ASTN2: variants seen among roughly 807,000 people sequenced by gnomAD.
ASTN2 encodes the protein astrotactin-2.
ASTN2 carries 54 observed loss-of-function variants against 139.8 expected under a neutral mutation model. The observed-to-expected ratio is 0.39, with a 90% CI of 0.31 to 0.48. The LOEUF (loss-of-function observed/expected upper bound fraction) is 0.48, where lower values mean the gene tolerates loss of function less well. Among genes scored for constraint, ASTN2 ranks in the 20% least tolerant of loss-of-function variants. The pLI, the probability that ASTN2 is intolerant of heterozygous loss-of-function variation, is 0.95. For synonymous variants in ASTN2, 756 were observed against 719.5 expected (o/e 1.05, Z -0.81); for missense variants, 1,565 against 1,725.1 (o/e 0.91, Z 1.64).
Position 116,859,277 on chromosome 9 carries a change from G to C in ASTN2, c.2040+4306C>G, listed in dbSNP as rs529944065. On this transcript the variant is annotated intron_variant, in intron 11 of 22. Transcript: ENST00000313400. ...AGTCACAGGTTCTGGGAATTAGGAT[G>C]TGGACATCTTTGCAGGGGCCATTAT... is the stretch of plus-strand genomic sequence containing the variant. Among the ~76,000 whole-genome samples, 483 of 152,340 alleles carry C rather than the reference G, an allele frequency of 3.2e-3. 1 individual carries two copies. Among genetic ancestry groups the C allele is most frequent in the African/African-American group, 0.011 (472 of 41,562 alleles).
chr9:116,748,789 G>A (rs1343178041), intron 13 of ASTN2, among the ~76,000 whole-genome samples: 1 of 152,196 alleles, frequency 6.6e-6, no homozygotes, highest in East Asian at 1.9e-4. Flanking sequence ...CAAGTTTTAC[G>A]AAGCTGTGCC....
intron 7 of ASTN2, among the ~76,000 whole-genome samples, chr9:117,001,485 A>G (rs1296038685): frequency 6.6e-6 from 1 of 151,960 alleles, no homozygotes; most frequent in Non-Finnish European, 1.5e-5. Flanking sequence ...TTGGATCCTT[A>G]CCTTTTAATG....
chr9:116,727,612 G>T (rs1337356025), intron 15 of ASTN2, among the ~76,000 whole-genome samples: 1 of 152,044 alleles, frequency 6.6e-6, no homozygotes, highest in East Asian at 1.9e-4. Flanking sequence ...ATACAACTGG[G>T]TAATTAATAC....
At chr9:116,444,350 C>A (rs1847924947) in intron 20 of ASTN2, among the ~76,000 whole-genome samples, 1 of 152,152 alleles carries the variant, frequency 6.6e-6, no homozygotes, top group Non-Finnish European at 1.5e-5. Flanking sequence ...TTTTTCTGAT[C>A]TTATGAAAAC....
chr9:116,755,780 C>T (rs765592474), intron 13 of ASTN2, among the ~76,000 whole-genome samples: 5 of 152,150 alleles, frequency 3.3e-5, no homozygotes, highest in African/African-American at 4.8e-5. Flanking sequence ...TGGCCCTAAG[C>T]GCCATCATGT....
chr9:117,182,441 A>T (rs1013147343), intron 3 of ASTN2, among the ~76,000 whole-genome samples: 6 of 152,124 alleles, frequency 3.9e-5, no homozygotes, highest in Admixed American at 3.9e-4. Context: ...ACCAAGGATG[A>T]CCCAGGAGAC....
chr9:116,632,152 GA>G (rs1856783087), intron 17 of ASTN2, among the ~76,000 whole-genome samples: 1 of 68,076 alleles, frequency 1.5e-5, no homozygotes, highest in Non-Finnish European at 2.7e-5. Flanking sequence ...GAGAGAGAGA[GA>G]GAGACAGAGA....
chr9:117,067,867 G>C lies in ASTN2; in HGVS notation c.1277-27902C>G, dbSNP rs933143506. On this transcript the variant is annotated intron_variant, in intron 5 of 22. Transcript: ENST00000313400. ...TTTGTACATTGATTTTGTATGCTGA[G>C]ACTTTGCTGAAGTTGCTTATCAGCT... 7.2e-4 allele frequency among the ~76,000 whole-genome samples: 85 copies of C among 118,582 alleles called. 12 individuals are homozygous for C. Among genetic ancestry groups the C allele is most frequent in the Non-Finnish European group, 1.3e-3 (68 of 52,156 alleles). 77.8% of individuals were successfully genotyped at this position (118,582 alleles called of 152,430 possible).
At chr9:116,429,339 G>GAAAAAAA (rs34731241) in intron 22 of ASTN2, among the ~76,000 whole-genome samples, 1 of 90,854 alleles carries the variant, frequency 1.1e-5, no homozygotes, top group Non-Finnish European at 2.0e-5. Flanking sequence ...AACTCTATCT[G>GAAAAAAA]AAAAAAAAAA....
chr9:117,111,808 AAAGC>A (rs1418895447), intron 4 of ASTN2, among the ~76,000 whole-genome samples: 2 of 152,104 alleles, frequency 1.3e-5, no homozygotes, highest in South Asian at 2.1e-4. Context: ...CCATTTCAAT[AAAGC>A]AAGAAAAAGA....
At chr9:117,273,068 G>A (rs1237135944) in intron 2 of ASTN2, among the ~76,000 whole-genome samples, 2 of 152,188 alleles carry the variant, frequency 1.3e-5, no homozygotes, top group African/African-American at 2.4e-5. Flanking sequence ...GGAAGAAAAG[G>A]AGGTTTAATT....
In ASTN2 at chr9:116,597,299, A is replaced by ATTTTTTTTTTTTTTT. The variant is rs757848093; in HGVS notation, c.3355+21010_3355+21024dup. Reference sequence around the variant, plus strand: ...CAAAATATTCCATGACTTTTGATCTATTTTTTTTTTTTTTTTTTTTTTTTG... The same window carrying ATTTTTTTTTTTTTTT: ...CAAAATATTCCATGACTTTTGATCTATTTTTTTTTTTTTTTTTTTTTTTTTTTTTTTTTTTTTTTG... On this transcript the variant is annotated intron_variant, in intron 19 of 22. Coordinates refer to ENST00000313400, the MANE Select transcript of ASTN2 (RefSeq NM_001365068.1). 8.1e-4 allele frequency among the ~76,000 whole-genome samples: 61 copies of ATTTTTTTTTTTTTTT among 75,506 alleles called. 8 individuals are homozygous for ATTTTTTTTTTTTTTT. The highest frequency in any genetic ancestry group is 3.4e-3 in the East Asian group (7 of 2,044). 49.5% of individuals were successfully genotyped at this position (75,506 alleles called of 152,430 possible). A position where few individuals can be genotyped will look rare whatever the true frequency, so the allele number is the denominator to read the frequency against.
At position 116,698,043 on chromosome 9, in the gene ASTN2, C is replaced by T. The variant is rs746197672; in HGVS notation, c.2806+27728G>A. 3.7e-6 allele frequency: 6 copies of T among 1,613,914 alleles called. No homozygotes were observed. Among genetic ancestry groups the T allele is most frequent in the South Asian group, 2.2e-5 (2 of 91,072 alleles). On this transcript the variant is annotated intron_variant, in intron 16 of 22. Coordinates refer to ENST00000313400, the MANE Select transcript of ASTN2 (RefSeq NM_001365068.1). This position sits in a 1 kb window ranked among gnomAD's most constrained non-coding sequence, Gnocchi z 4.4. Reference sequence around the variant, plus strand: ...CGAGGCTGTGGGGCTGCTCATGTGTCGGTCCTGTGGGCGGCGTCTGCCCCG... The same window carrying T: ...CGAGGCTGTGGGGCTGCTCATGTGTTGGTCCTGTGGGCGGCGTCTGCCCCG...
intron 1 of ASTN2, among the ~76,000 whole-genome samples, chr9:117,297,341 T>C (rs1440943661): frequency 6.6e-6 from 1 of 152,226 alleles, no homozygotes; most frequent in Non-Finnish European, 1.5e-5. Flanking sequence ...ACCTTGCCAC[T>C]AGCTATTCCA....
chr9:117,258,565 C>T (rs1023578667), intron 2 of ASTN2, among the ~76,000 whole-genome samples: 1 of 152,122 alleles, frequency 6.6e-6, no homozygotes. Flanking sequence ...ACTTTCTATT[C>T]ACATTTCTAA....
chr9:117,318,282 C>T (rs901261826), intron 1 of ASTN2, among the ~76,000 whole-genome samples: 1 of 152,138 alleles, frequency 6.6e-6, no homozygotes. Flanking sequence ...CCATCCTTAT[C>T]ACTAAGTTTT....
intron 1 of ASTN2, among the ~76,000 whole-genome samples, chr9:117,399,647 C>A (rs75639662): frequency 0.07 from 10,638 of 152,186 alleles, 673 homozygotes; most frequent in South Asian, 0.18. Context: ...TTACTACTGA[C>A]CTTATGCAAT....
At chr9:116,463,789 C>T (rs1044376392) in intron 20 of ASTN2, among the ~76,000 whole-genome samples, 1 of 152,108 alleles carries the variant, frequency 6.6e-6, no homozygotes, top group African/African-American at 2.4e-5. Context: ...AAGGCCAGGG[C>T]TGCATGTTAT....
intron 17 of ASTN2, among the ~76,000 whole-genome samples, chr9:116,635,238 A>T (rs1320855082): frequency 1.3e-5 from 2 of 152,194 alleles, no homozygotes; most frequent in Non-Finnish European, 2.9e-5. Flanking sequence ...GGGTGCTCAT[A>T]TTACTCCCAT....
Sources: gnomAD v4.1 joint callset for allele counts (sites outside exome capture counted in the v4.1 genomes callset) on GRCh38, gnomAD v4.1.1 for gene constraint, Gnocchi (gnomAD v3.1) non-coding constraint, MANE v1.5 for transcripts, NCBI Gene and HGNC (gene_info 2026-07-23, HGNC 2026-07-21) for gene names.